Variants in PTPN11 observed in about 807,000 individuals in gnomAD.
PTPN11 encodes protein tyrosine phosphatase non-receptor type 11, also known as tyrosine-protein phosphatase non-receptor type 11.
Under a neutral mutation model 78.8 loss-of-function variants are expected in PTPN11, and 6 were observed. The ratio of observed to expected loss-of-function variants is 0.08; its 90% CI spans 0.04 to 0.15. PTPN11 has a LOEUF of 0.15. Ranked by LOEUF, PTPN11 falls within the 10% of genes least tolerant of loss-of-function variation. The pLI, the probability that PTPN11 is intolerant of heterozygous loss-of-function variation, is 1.00. For synonymous variants in PTPN11, 221 were observed against 263.5 expected, an observed-to-expected ratio of 0.84 and a Z score of 1.56; for missense variants, 386 against 744.8, an observed-to-expected ratio of 0.52 and a Z score of 5.61.
intron 1 of PTPN11, among the ~76,000 whole-genome samples, chr12:112,431,929 A>C (rs941888135): frequency 1.3e-5 from 2 of 152,126 alleles, no homozygotes; most frequent in Non-Finnish European, 2.9e-5. Context: ...CACAGACTAA[A>C]AAGGGGGGAA....
rs184957251 is a variant in PTPN11 at position 112,429,951 on chromosome 12, G to A, written c.14+10826G>A. Among the ~76,000 whole-genome samples the A allele has an allele frequency of 1.4e-3, 218 of 152,360 alleles. 2 individuals carry two copies. The highest frequency in any genetic ancestry group is 4.6e-3 in the African/African-American group (192 of 41,596). ...TCAAGTCTGCTTTGCACACAGGCATGTGGCAAACATTCAGTAAGTATAGCT... is the reference window on the plus strand; with the variant it reads ...TCAAGTCTGCTTTGCACACAGGCATATGGCAAACATTCAGTAAGTATAGCT... On this transcript the variant is annotated intron_variant, in intron 1 of 15. Coordinates refer to ENST00000351677, the MANE Select transcript of PTPN11 (RefSeq NM_002834.5).
At chr12:112,462,249 A>G (rs2038259323) in intron 6 of PTPN11, among the ~76,000 whole-genome samples, 1 of 152,100 alleles carries the variant, frequency 6.6e-6, no homozygotes, top group African/African-American at 2.4e-5. Context: ...AGTCCCAGCT[A>G]TTGAGAGGCT....
chr12:112,439,110 G>C (rs1412800865), intron 1 of PTPN11, among the ~76,000 whole-genome samples: 1 of 151,940 alleles, frequency 6.6e-6, no homozygotes, highest in Non-Finnish European at 1.5e-5. Flanking sequence ...CATTTTATAG[G>C]ACTTAACAGA....
chr12:112,455,778 A>G (rs1316849632), intron 5 of PTPN11, among the ~76,000 whole-genome samples, 172 bp from the exon 6 acceptor site: 1 of 152,226 alleles, frequency 6.6e-6, no homozygotes, highest in Non-Finnish European at 1.5e-5. Flanking sequence ...GGCTGAACAG[A>G]AAACACGGTG....
chr12:112,438,188 G>T (rs1321193107), intron 1 of PTPN11, among the ~76,000 whole-genome samples: 1 of 152,064 alleles, frequency 6.6e-6, no homozygotes, highest in South Asian at 2.1e-4. Flanking sequence ...ACAAAGGCTT[G>T]GAGTAGGAGG....
At chr12:112,470,046 C>T (rs1328451115) in intron 6 of PTPN11, among the ~76,000 whole-genome samples, 1 of 152,058 alleles carries the variant, frequency 6.6e-6, no homozygotes, top group Admixed American at 6.5e-5. Context: ...CTCAGCCTCT[C>T]AAGTAGCTGG....
At chr12:112,436,901 A>G (rs1038715427) in intron 1 of PTPN11, among the ~76,000 whole-genome samples, 1 of 152,148 alleles carries the variant, frequency 6.6e-6, no homozygotes, top group Non-Finnish European at 1.5e-5. Context: ...TGAATAATTA[A>G]ATTTATGGTA....
intron 13 of PTPN11, among the ~76,000 whole-genome samples, chr12:112,492,920 C>T (rs1393004234): frequency 6.6e-6 from 1 of 152,208 alleles, no homozygotes; most frequent in Non-Finnish European, 1.5e-5. Context: ...CTGTTTCCAT[C>T]ATTGCCTTTC....
chr12:112,453,252 A>G lies in PTPN11; in HGVS notation c.390A>G (p.Gly130=), dbSNP rs542711611. The change falls in exon 4 of 16, where the codon GGA becomes GGG. Residue 130 remains glycine (G), a synonymous_variant. Coordinates refer to ENST00000351677, the MANE Select transcript of PTPN11 (RefSeq NM_002834.5). ...KEAEKLLTEK[G]KHGSFLVRES... is the part of the protein sequence containing the mutation. ...CAGAGAAATTATTAACTGAAAAAGGAAAACATGGTAGTTTTCTTGTACGAG... is the reference window on the plus strand; with the variant it reads ...CAGAGAAATTATTAACTGAAAAAGGGAAACATGGTAGTTTTCTTGTACGAG... 6.2e-7 allele frequency: 1 copy of G among 1,613,454 alleles called. No individual in the cohort carries two copies. Among genetic ancestry groups the G allele is most frequent in the Non-Finnish European group, 8.5e-7 (1 of 1,180,022 alleles).
At chr12:112,446,491 GT>G in intron 2 of PTPN11, 93 bp downstream of exon 2, 1 of 1,570,992 alleles carries the variant, frequency 6.4e-7, no homozygotes, top group East Asian at 2.2e-5. Context: ...TGCATTTCGA[GT>G]TTGAAGGCCT....
At chr12:112,425,294 CT>C (rs1348505347) in intron 1 of PTPN11, among the ~76,000 whole-genome samples, 1 of 152,012 alleles carries the variant, frequency 6.6e-6, no homozygotes, top group Non-Finnish European at 1.5e-5. Flanking sequence ...CATTAGAACA[CT>C]TTTCAAGAAT....
At chr12:112,463,500 A>T (rs905772236) in intron 6 of PTPN11, among the ~76,000 whole-genome samples, 2 of 152,154 alleles carry the variant, frequency 1.3e-5, no homozygotes, top group African/African-American at 4.8e-5. Context: ...GCAATGGGGT[A>T]TTTTTTGCAA....
intron 2 of PTPN11, among the ~76,000 whole-genome samples, chr12:112,448,165 C>G (rs1263358998): frequency 6.6e-6 from 1 of 151,662 alleles, no homozygotes; most frequent in Non-Finnish European, 1.5e-5. Context: ...GTAGCCATTT[C>G]TATTAATTTC....
At chr12:112,501,124 C>T (rs1010149614) in intron 13 of PTPN11, among the ~76,000 whole-genome samples, 5 of 152,156 alleles carry the variant, frequency 3.3e-5, no homozygotes, top group African/African-American at 1.2e-4. Flanking sequence ...GTGAAGTCAA[C>T]ATTAGATAAT....
chr12:112,439,885 A>T (rs186189475), intron 1 of PTPN11, among the ~76,000 whole-genome samples: 1 of 151,480 alleles, frequency 6.6e-6, no homozygotes, highest in Non-Finnish European at 1.5e-5. Context: ...TAGTTTTTCC[A>T]TTTTTTTCCT....
rs533661820 is a variant in PTPN11, at chr12:112,495,988, C to A, written c.1600-6156C>A. On this transcript the variant is annotated intron_variant, in intron 13 of 15. Coordinates refer to ENST00000351677, the MANE Select transcript of PTPN11 (RefSeq NM_002834.5). ...TTGGAAGAAAGTCATTTAGTTCAGACCATACTCAAGAAAAGGGAAATAAAG... is the reference window on the plus strand; with the variant it reads ...TTGGAAGAAAGTCATTTAGTTCAGAACATACTCAAGAAAAGGGAAATAAAG... Among the ~76,000 whole-genome samples, 406 of 152,214 alleles carry A rather than the reference C, an allele frequency of 2.7e-3. 5 individuals carry two copies. The highest frequency in any genetic ancestry group is 9.1e-3 in the African/African-American group (378 of 41,532).
rs1353127791 is a variant in PTPN11, at chr12:112,507,775, G to C, written c.*1983G>C. ...GGTCTCTCAGTCCCTTGAGACTTTG[G>C]GGTAGTTTGGCTGCCATTCTCACTG... On this transcript the variant is annotated 3_prime_UTR_variant, in exon 16 of 16. Coordinates refer to ENST00000351677, the MANE Select transcript of PTPN11 (RefSeq NM_002834.5). 1 of 152,554 alleles carries C rather than the reference G, an allele frequency of 6.6e-6. No individual in the cohort carries two copies. Among genetic ancestry groups the C allele is most frequent in the African/African-American group, 2.4e-5 (1 of 41,440 alleles). 9.5% of individuals were successfully genotyped at this position (152,554 alleles called of 1,614,324 possible). A position where few individuals can be genotyped will look rare whatever the true frequency, so the allele number is the denominator to read the frequency against.
chr12:112,441,263 CT>C (rs578108811), intron 1 of PTPN11, among the ~76,000 whole-genome samples: 60 of 147,300 alleles, frequency 4.1e-4, no homozygotes, highest in Middle Eastern at 3.5e-3. Flanking sequence ...CTTGCCCAGC[CT>C]TTTTTTTTTA....
intron 13 of PTPN11, among the ~76,000 whole-genome samples, chr12:112,499,811 G>A (rs1398159892): frequency 1.3e-5 from 2 of 151,862 alleles, no homozygotes; most frequent in African/African-American, 2.4e-5. Flanking sequence ...ATTTGGCTGA[G>A]TGTGGCATGT....
Sources: allele counts gnomAD v4.1 joint callset (sites outside exome capture counted in the v4.1 genomes callset), GRCh38; gene constraint gnomAD v4.1.1; transcripts MANE v1.5; gene names NCBI Gene and HGNC (gene_info 2026-07-23, HGNC 2026-07-21).